Variants in MTA3 observed in about 807,000 individuals in gnomAD.
MTA3 encodes the protein metastasis-associated protein MTA3.
In MTA3, 34 loss-of-function variants were observed where a neutral mutation model predicts 83.5. That is an observed-to-expected ratio of 0.41 (90% CI 0.31 to 0.54). The LOEUF is 0.54. Among genes scored for constraint, MTA3 ranks in the 20% least tolerant of loss-of-function variants. MTA3 has a pLI of 0.33. For synonymous variants in MTA3, 303 were observed against 252.7 expected (o/e 1.20, Z -1.89); for missense variants, 761 against 726.4 (o/e 1.05, Z -0.55).
intron 4 of MTA3, among the ~76,000 whole-genome samples, chr2:42,611,417 C>T (rs983197970): frequency 3.9e-5 from 6 of 151,994 alleles, no homozygotes; most frequent in African/African-American, 1.4e-4. Context: ...CAGAGATCTT[C>T]CATGGCAGGA....
At chr2:42,597,011 T>G (rs954804406) in intron 3 of MTA3, among the ~76,000 whole-genome samples, 1 of 151,790 alleles carries the variant, frequency 6.6e-6, no homozygotes, top group Admixed American at 6.6e-5. Flanking sequence ...TTCAAGCAAT[T>G]CTCCTCCCTC....
intron 5 of MTA3, among the ~76,000 whole-genome samples, chr2:42,641,069 G>A (rs113754144): frequency 0.014 from 2,167 of 152,054 alleles, 21 homozygotes; most frequent in Middle Eastern, 0.027. Context: ...ACCATACCCG[G>A]CTAATTTTTG....
At chr2:42,535,826 A>G (rs1676203737) in intron 2 of MTA3, among the ~76,000 whole-genome samples, 1 of 148,458 alleles carries the variant, frequency 6.7e-6, no homozygotes, top group African/African-American at 2.5e-5. Flanking sequence ...GGAGATAAAA[A>G]TGGAGCCACT....
intron 2 of MTA3, among the ~76,000 whole-genome samples, chr2:42,534,136 TC>T: frequency 6.6e-6 from 1 of 152,110 alleles, no homozygotes; most frequent in Non-Finnish European, 1.5e-5. Flanking sequence ...TAACCACTTT[TC>T]TTGGTGGAAG....
intron 16 of MTA3, among the ~76,000 whole-genome samples, chr2:42,729,207 C>T (rs1392902161): frequency 6.8e-6 from 1 of 147,544 alleles, no homozygotes; most frequent in Non-Finnish European, 1.5e-5. Context: ...TGCAATTCTC[C>T]TGCCTCAGCC....
At chr2:42,604,676 G>T (rs1167596766) in intron 3 of MTA3, among the ~76,000 whole-genome samples, 2 of 135,660 alleles carry the variant, frequency 1.5e-5, no homozygotes, top group African/African-American at 5.8e-5. Flanking sequence ...GGGAAGGTCA[G>T]CAGATAAGCA....
At chr2:42,654,346 A>G (rs1688974495) in intron 6 of MTA3, among the ~76,000 whole-genome samples, 1 of 152,176 alleles carries the variant, frequency 6.6e-6, no homozygotes, top group Non-Finnish European at 1.5e-5. Flanking sequence ...GTCACTGGGG[A>G]ATGGTTGGCT....
chr2:42,521,901 C>T (rs369249109), intron 2 of MTA3, among the ~76,000 whole-genome samples: 13 of 152,068 alleles, frequency 8.5e-5, no homozygotes, highest in African/African-American at 3.1e-4. Context: ...ATTACAGGCA[C>T]CTGCCATCAT....
Position 42,755,319 on chromosome 2 carries a change from C to G in MTA3, c.*1920C>G, listed in dbSNP as rs1261918583. The stretch of plus-strand genomic sequence containing the variant: ...TCTGGAAACAATTAGCTGCCCGTGA[C>G]TCAGCTGCCAGCTTCATTTTCTCTG... On this transcript the variant is annotated 3_prime_UTR_variant, in exon 17 of 17. Transcript: ENST00000405094. 1.0e-6 allele frequency: 1 copy of G among 985,380 alleles called. No individual in the cohort carries two copies. Among genetic ancestry groups the G allele is most frequent in the Non-Finnish European group, 1.2e-6 (1 of 829,996 alleles). 61.0% of individuals were successfully genotyped at this position (985,380 alleles called of 1,614,324 possible). A position where few individuals can be genotyped will look rare whatever the true frequency, so the allele number is the denominator to read the frequency against.
At chr2:42,577,720 C>G (rs894360265) in intron 2 of MTA3, among the ~76,000 whole-genome samples, 1 of 152,090 alleles carries the variant, frequency 6.6e-6, no homozygotes, top group Non-Finnish European at 1.5e-5. Flanking sequence ...ACCTCGTGAT[C>G]TGCCCACCTT....
chr2:42,564,594 G>A (rs1677823974), upstream of MTA3, among the ~76,000 whole-genome samples: 1 of 152,084 alleles, frequency 6.6e-6, no homozygotes, highest in African/African-American at 2.4e-5. Flanking sequence ...TACTAAATAA[G>A]AGAAGAAGTT....
intron 4 of MTA3, 71 bp from the exon 5 acceptor site, chr2:42,640,102 C>A: frequency 8.8e-7 from 1 of 1,136,802 alleles, no homozygotes; most frequent in East Asian, 2.5e-5. Flanking sequence ...ACATTCTTAA[C>A]TTTGTATTTC....
chr2:42,753,770 C>A lies in MTA3; in HGVS notation c.*371C>A, dbSNP rs1670055454. On this transcript the variant is annotated 3_prime_UTR_variant, in exon 17 of 17. Coordinates refer to ENST00000405094, the MANE Select transcript of MTA3 (RefSeq NM_001330442.2). ...GCTGCAAGCTCAGAGCCGCTGCCAC[C>A]CTGCATGTGTCCGCTCAGCTCGGTC... 4.4e-6 allele frequency: 5 copies of A among 1,129,300 alleles called. No homozygotes were observed. In the African/African-American group the frequency reaches 4.8e-5, roughly 11 times the overall value. 70.0% of individuals were successfully genotyped at this position (1,129,300 alleles called of 1,614,324 possible). A position where few individuals can be genotyped will look rare whatever the true frequency, so the allele number is the denominator to read the frequency against.
chr2:42,639,764 A>AT (rs1161832647), intron 4 of MTA3, among the ~76,000 whole-genome samples: 1 of 152,198 alleles, frequency 6.6e-6, no homozygotes, highest in African/African-American at 2.4e-5. Flanking sequence ...TTATTTAGCC[A>AT]TTGGTTTGTG....
intron 9 of MTA3, among the ~76,000 whole-genome samples, chr2:42,687,151 A>G (rs956594990): frequency 6.6e-6 from 1 of 152,070 alleles, no homozygotes; most frequent in African/African-American, 2.4e-5. Context: ...ACTCATCACC[A>G]CAATCAAGAC....
intron 2 of MTA3, among the ~76,000 whole-genome samples, chr2:42,515,140 G>T (rs1255723702): frequency 1.3e-5 from 2 of 151,536 alleles, no homozygotes. Context: ...CTCACTGCCA[G>T]CTCTGCCTCC....
rs187478388 is a variant in MTA3 at position 42,740,444 on chromosome 2, C to T, written c.1760-12930C>T. ...GGAAGATCACTTGAGCCCAGGAGGT[C>T]GAGGCCCAGTGAGCCATGTCACTGC... On this transcript the variant is annotated intron_variant, in intron 16 of 16. Coordinates refer to ENST00000405094, the MANE Select transcript of MTA3 (RefSeq NM_001330442.2). 7.1e-3 allele frequency among the ~76,000 whole-genome samples: 1,073 copies of T among 152,174 alleles called. 5 individuals carry two copies. Among genetic ancestry groups the T allele is most frequent in the African/African-American group, 0.023 (969 of 41,430 alleles).
intron 16 of MTA3, among the ~76,000 whole-genome samples, chr2:42,735,858 G>C (rs1668571169): frequency 6.6e-6 from 1 of 152,030 alleles, no homozygotes; most frequent in Non-Finnish European, 1.5e-5. Flanking sequence ...ATTGAATTCT[G>C]TTGTGCTTCC....
At chr2:42,590,048 G>C (rs902365702) in intron 3 of MTA3, among the ~76,000 whole-genome samples, 4 of 152,178 alleles carry the variant, frequency 2.6e-5, no homozygotes, top group African/African-American at 9.7e-5. Flanking sequence ...AGATCAGTAG[G>C]AGCATGTGGG....
Sources: allele counts gnomAD v4.1 joint callset (sites outside exome capture counted in the v4.1 genomes callset), GRCh38; gene constraint gnomAD v4.1.1; transcripts MANE v1.5; gene names NCBI Gene and HGNC (gene_info 2026-07-23, HGNC 2026-07-21).